The following CLSTN2 variants were observed in gnomAD, a reference collection of about 807,000 sequenced individuals.
CLSTN2 encodes the protein calsyntenin-2.
In CLSTN2, 48 loss-of-function variants were observed where a neutral mutation model predicts 101.2. The ratio of observed to expected loss-of-function variants is 0.47; its 90% CI spans 0.38 to 0.60. The LOEUF (loss-of-function observed/expected upper bound fraction) is 0.60, where lower values mean the gene tolerates loss of function less well. Ranked by LOEUF, CLSTN2 falls within the 20% of genes least tolerant of loss-of-function variation. CLSTN2 has a pLI of 0.00. For synonymous variants in CLSTN2, 481 were observed against 463.6 expected, an observed-to-expected ratio of 1.04 and a Z score of -0.48; for missense variants, 1,160 against 1,238.2, an observed-to-expected ratio of 0.94 and a Z score of 0.95.
At chr3:140,014,459 T>C (rs1001867324) in intron 1 of CLSTN2, among the ~76,000 whole-genome samples, 3 of 151,996 alleles carry the variant, frequency 2.0e-5, no homozygotes, top group African/African-American at 7.3e-5. Context: ...TCTTAAATAA[T>C]CCACCCACCT....
intron 4 of CLSTN2, among the ~76,000 whole-genome samples, chr3:140,408,327 G>A (rs1445056307): frequency 1.3e-5 from 2 of 152,172 alleles, no homozygotes; most frequent in African/African-American, 4.8e-5. Context: ...TAGCTAGGGA[G>A]ATCAGCATGG....
At chr3:140,220,488 T>C (rs1343268208) in intron 2 of CLSTN2, among the ~76,000 whole-genome samples, 1 of 152,204 alleles carries the variant, frequency 6.6e-6, no homozygotes, top group Non-Finnish European at 1.5e-5. Context: ...TCTAGATGCC[T>C]TTAGCTTCAG....
chr3:140,466,930 G>A (rs1394673176), intron 8 of CLSTN2, among the ~76,000 whole-genome samples, 199 bp downstream of exon 8: 1 of 152,142 alleles, frequency 6.6e-6, no homozygotes, highest in African/African-American at 2.4e-5. Context: ...AGGTGGAAAG[G>A]GATACGCTTC....
Position 140,566,213 on chromosome 3 carries a change from A to T in CLSTN2, c.2828A>T (p.Gln943Leu). ...AGACATGGGCAGAATGGAGCCAGGCAAGCCCAGCTGGAGTGGGATGACTCC... is the reference window on the plus strand; with the variant it reads ...AGACATGGGCAGAATGGAGCCAGGCTAGCCCAGCTGGAGTGGGATGACTCC... Reference protein sequence around the residue: ...RGRHGQNGARQAQLEWDDSTL... With the variant: ...RGRHGQNGARLAQLEWDDSTL... Residue 943 changes from glutamine to leucine, a missense_variant, in exon 17 of 17, where the codon CAA (glutamine) becomes CTA (leucine). Gln to Leu is a moderately radical substitution (Grantham distance 113). Transcript: ENST00000458420. The T allele has an allele frequency of 6.3e-7, 1 of 1,593,838 alleles. No homozygotes were observed.
At chr3:140,397,256 G>T (rs945381530) in intron 2 of CLSTN2, among the ~76,000 whole-genome samples, 1 of 151,976 alleles carries the variant, frequency 6.6e-6, no homozygotes, top group Non-Finnish European at 1.5e-5. Context: ...ATGTTATTTA[G>T]GTAGAAGTAT....
chr3:140,265,277 T>G (rs1364087183), intron 2 of CLSTN2, among the ~76,000 whole-genome samples: 2 of 152,120 alleles, frequency 1.3e-5, no homozygotes, highest in African/African-American at 2.4e-5. Flanking sequence ...AATTCCAAGT[T>G]GCAGGTGTTC....
intron 5 of CLSTN2, among the ~76,000 whole-genome samples, chr3:140,433,847 A>C (rs1246249338): frequency 1.3e-5 from 2 of 152,190 alleles, no homozygotes. Flanking sequence ...GCCTGTCAGC[A>C]TTATTTGCTG....
At chr3:140,219,230 G>C (rs1232956534) in intron 2 of CLSTN2, among the ~76,000 whole-genome samples, 1 of 152,038 alleles carries the variant, frequency 6.6e-6, no homozygotes, top group Non-Finnish European at 1.5e-5. Context: ...TCCATAAAGA[G>C]TAGGGAAGAG....
chr3:140,277,763 C>T (rs895585853), intron 2 of CLSTN2, among the ~76,000 whole-genome samples: 2 of 152,094 alleles, frequency 1.3e-5, no homozygotes, highest in Non-Finnish European at 2.9e-5. Flanking sequence ...CTGGGTGGTT[C>T]CATCATTACT....
At chr3:140,519,203 A>G (rs1423966483) in intron 8 of CLSTN2, among the ~76,000 whole-genome samples, 1 of 152,190 alleles carries the variant, frequency 6.6e-6, no homozygotes, top group Non-Finnish European at 1.5e-5. Flanking sequence ...ACCGTTTGCT[A>G]TGATTTCAGT....
chr3:140,023,305 G>A (rs919510152), intron 1 of CLSTN2, among the ~76,000 whole-genome samples: 28 of 152,224 alleles, frequency 1.8e-4, no homozygotes, highest in Admixed American at 4.6e-4. Flanking sequence ...GATAAGGAGC[G>A]CGCAAACCTC....
chr3:139,994,583 G>A (rs2107829710), intron 1 of CLSTN2, among the ~76,000 whole-genome samples: 1 of 152,182 alleles, frequency 6.6e-6, no homozygotes, highest in East Asian at 1.9e-4. Flanking sequence ...TGAGATCCTG[G>A]GCTGCAAGCA....
At chr3:139,951,661 T>G (rs545351170) in intron 1 of CLSTN2, among the ~76,000 whole-genome samples, 1 of 152,296 alleles carries the variant, frequency 6.6e-6, no homozygotes. Context: ...TGAACTGGAC[T>G]AAGTCTTCTT....
In CLSTN2 at chr3:140,536,178, C is replaced by CAGCAGTATCCTTAACTTCCTGGAGCTT. The variant is rs1935355195; in HGVS notation, c.1507+3693_1507+3719dup. Among the ~76,000 whole-genome samples the CAGCAGTATCCTTAACTTCCTGGAGCTT allele has an allele frequency of 3.9e-5, 6 of 152,164 alleles. No individual in the cohort carries two copies. In the East Asian group the frequency reaches 1.2e-3, roughly 29 times the overall value. ...TTGCCATCTACTAGCTGTACGGACC[C>CAGCAGTATCCTTAACTTCCTGGAGCTT]AGCAGTATCCTTAACTTCCTGGAGC... On this transcript the variant is annotated intron_variant, in intron 9 of 16. Coordinates refer to ENST00000458420, the MANE Select transcript of CLSTN2 (RefSeq NM_022131.3).
chr3:140,145,444 A>G (rs2009767161), intron 1 of CLSTN2, among the ~76,000 whole-genome samples: 1 of 152,250 alleles, frequency 6.6e-6, no homozygotes. Flanking sequence ...AGTTGCTGAA[A>G]GGTCCATAGC....
rs1985546773 is a variant in CLSTN2, at chr3:140,571,461, TGATTTTTAGGTAA to T, written c.*5212_*5224del. On this transcript the variant is annotated 3_prime_UTR_variant, in exon 17 of 17. Coordinates refer to ENST00000458420, the MANE Select transcript of CLSTN2 (RefSeq NM_022131.3). ...AAAGTATTTGCCAGTGAAAAGTAGA[TGATTTTTAGGTAA>T]GATAACGTTTAGGCCTCTGGGGGAT... The T allele has an allele frequency of 6.6e-6, 1 of 152,220 alleles. No homozygotes were observed. The highest frequency in any genetic ancestry group is 2.4e-5 in the African/African-American group (1 of 41,454). 9.4% of individuals were successfully genotyped at this position (152,220 alleles called of 1,614,324 possible). A position where few individuals can be genotyped will look rare whatever the true frequency, so the allele number is the denominator to read the frequency against.
At chr3:140,032,109 A>G (rs551201694) in intron 1 of CLSTN2, among the ~76,000 whole-genome samples, 1 of 152,324 alleles carries the variant, frequency 6.6e-6, no homozygotes, top group African/African-American at 2.4e-5. Flanking sequence ...AGCGCTGCCC[A>G]TGAACATATT....
intron 1 of CLSTN2, among the ~76,000 whole-genome samples, chr3:140,113,946 C>A (rs974309027): frequency 2.6e-5 from 4 of 152,140 alleles, no homozygotes; most frequent in Non-Finnish European, 5.9e-5. Context: ...GGGAAAGCCA[C>A]CAGCTCTGTG....
At chr3:140,504,190 T>C (rs1194661694) in intron 8 of CLSTN2, among the ~76,000 whole-genome samples, 1 of 152,162 alleles carries the variant, frequency 6.6e-6, no homozygotes, top group Non-Finnish European at 1.5e-5. Flanking sequence ...CATGGCAGGC[T>C]CCATGCATAT....
Sources: allele counts gnomAD v4.1 joint callset (sites outside exome capture counted in the v4.1 genomes callset), GRCh38; gene constraint gnomAD v4.1.1; transcripts MANE v1.5; gene names NCBI Gene and HGNC (gene_info 2026-07-23, HGNC 2026-07-21).